The following COL16A1 variants were observed in gnomAD, a reference collection of about 807,000 sequenced individuals.
The protein encoded by COL16A1 is collagen alpha-1(XVI) chain.
Under a neutral mutation model 266.3 loss-of-function variants are expected in COL16A1, and 189 were observed. The ratio of observed to expected loss-of-function variants is 0.71; its 90% CI spans 0.63 to 0.80. The LOEUF (loss-of-function observed/expected upper bound fraction) is 0.80, where lower values mean the gene tolerates loss of function less well. COL16A1 is among the 30% of genes least tolerant of loss of function. COL16A1 has a pLI of 0.00. For missense variants in COL16A1, 1,928 were observed against 2,122.4 expected (o/e 0.91, Z 1.80); for synonymous variants, 740 against 782.3 (o/e 0.95, Z 0.90).
Position 31,664,200 on chromosome 1 carries a change from G to T in COL16A1, c.3555+972C>A, listed in dbSNP as rs1192397187. ...GGAAGGGGAAGGGGAAGGGGAAGGG[G>T]GCTAGCAACCACCACTGTCCCAAGC... On this transcript the variant is annotated intron_variant, in intron 56 of 70. Transcript: ENST00000373672. The surrounding 1 kb of genome is among the most constrained non-coding windows in gnomAD (Gnocchi z 5.5). 1.4e-5 allele frequency among the ~76,000 whole-genome samples: 2 copies of T among 145,890 alleles called. No individual in the cohort carries two copies. The highest frequency in any genetic ancestry group is 6.9e-5 in the Admixed American group (1 of 14,510).
intron 57 of COL16A1, 38 bp downstream of exon 57, chr1:31,662,549 T>A (rs1028492557): frequency 4.5e-6 from 7 of 1,554,652 alleles, no homozygotes; most frequent in Non-Finnish European, 6.1e-6. Flanking sequence ...TGCGCATGCA[T>A]CGCACACGTC....
intron 26 of COL16A1, among the ~76,000 whole-genome samples, chr1:31,687,155 G>T (rs1017101938): frequency 7.2e-5 from 11 of 152,180 alleles, no homozygotes; most frequent in African/African-American, 2.7e-4. Flanking sequence ...GCCAAGGAGG[G>T]TAGATCGCTT....
chr1:31,699,811 A>G lies in COL16A1; in HGVS notation c.266+2T>C, dbSNP rs1389073917. ...TCTCAGTGGTCACATGGATGCATTT[A>G]CCGCGTGGGCTGGGTCACGGGGGCC... On this transcript the variant is annotated splice_donor_variant, in intron 4 of 70. Transcript: ENST00000373672. LOFTEE classifies it high-confidence loss of function. 6.3e-7 allele frequency: 1 copy of G among 1,580,170 alleles called. No individual in the cohort carries two copies. Among genetic ancestry groups the G allele is most frequent in the East Asian group, 2.2e-5 (1 of 44,722 alleles).
In COL16A1 at chr1:31,685,810, C is replaced by T; in HGVS notation, c.1885-40G>A. ...CATTGAGTTAGGGGGTCCCCCAGGC[C>T]CTAGTGCACTTGAGCGAGGTTTGGA... On this transcript the variant is annotated intron_variant, in intron 28 of 70. Coordinates refer to ENST00000373672, the MANE Select transcript of COL16A1 (RefSeq NM_001856.4). This position sits in a 1 kb window ranked among gnomAD's most constrained non-coding sequence, Gnocchi z 4.0. 6.2e-7 allele frequency: 1 copy of T among 1,606,524 alleles called. No individual in the cohort carries two copies. Among genetic ancestry groups the T allele is most frequent in the Non-Finnish European group, 8.5e-7 (1 of 1,174,644 alleles).
chr1:31,689,771 T>G lies in COL16A1; in HGVS notation c.1590A>C (p.Lys530Asn). 6.2e-7 allele frequency: 1 copy of G among 1,614,090 alleles called. No individual in the cohort carries two copies. The highest frequency in any genetic ancestry group is 8.5e-7 in the Non-Finnish European group (1 of 1,179,964). The change falls in exon 23 of 71, where the codon AAA (lysine) becomes AAC (asparagine). Residue 530 changes from lysine to asparagine, a missense_variant. Lys to Asn is a moderately conservative substitution (Grantham distance 94, BLOSUM62 0). Transcript: ENST00000373672. ...CTGGTACAGGATCACCAGGCTCCCC[T>G]TTGGGCCCTGGCTTTCCAGGAAGTC... is the stretch of plus-strand genomic sequence containing the variant. The part of the protein sequence containing the change: ...FVGLPGKPGP[K>N]GEPGDPVPAR...
chr1:31,695,359 A>C, intron 10 of COL16A1, 138 bp from the exon 11 acceptor site: 2 of 849,898 alleles, frequency 2.4e-6, no homozygotes, highest in Non-Finnish European at 3.8e-6. Context: ...TAGGAATCCT[A>C]TAAAACAAGC....
At chr1:31,680,188 G>C in intron 39 of COL16A1, 87 bp from the exon 40 acceptor site, 1 of 1,532,580 alleles carries the variant, frequency 6.5e-7, no homozygotes, top group Non-Finnish European at 8.8e-7. Context: ...GGGCTCTAGA[G>C]ATGGAGAGGC....
chr1:31,661,756 C>A (rs762766287), intron 58 of COL16A1, 52 bp from the exon 59 acceptor site: 1 of 1,554,288 alleles, frequency 6.4e-7, no homozygotes, highest in South Asian at 1.2e-5. Flanking sequence ...CAGCTTGTAT[C>A]CAACTCATAC....
chr1:31,683,634 G>C, intron 34 of COL16A1, 73 bp downstream of exon 34: 1 of 1,612,608 alleles, frequency 6.2e-7, no homozygotes. Context: ...CTGAAGTTTG[G>C]GAGTGGATGG....
chr1:31,680,904 C>CCTTCT lies in COL16A1; in HGVS notation c.2606_2610dup (p.Gly871ArgfsTer172). 6.2e-7 allele frequency: 1 copy of CCTTCT among 1,614,196 alleles called. No homozygotes were observed. The highest frequency in any genetic ancestry group is 8.5e-7 in the Non-Finnish European group (1 of 1,180,040). ...ATGGGTCACAGGCCCTTGGAACTCA[C>CCTTCT]CTTCTCTCCTCGTGGTCCTTTTTCA... On this transcript the variant is annotated frameshift_variant and splice_region_variant. Coordinates refer to ENST00000373672, the MANE Select transcript of COL16A1 (RefSeq NM_001856.4). LOFTEE classifies it high-confidence loss of function.
Position 31,691,443 on chromosome 1 carries a change from G to A in COL16A1, c.1372C>T (p.Pro458Ser). The A allele has an allele frequency of 1.2e-6, 2 of 1,612,754 alleles. No homozygotes were observed. Among genetic ancestry groups the A allele is most frequent in the Non-Finnish European group, 8.5e-7 (1 of 1,179,262 alleles). ...GGGGTCCCAGGCAGTCCTATCCCAG[G>A]GGGTCCAGGGAGGCCGGGGGGCCCA... ...EPGPPGLPGP[P>S]GIGLPGTPGD... The change falls in exon 19 of 71, where the codon CCT (proline) becomes TCT (serine). Residue 458 changes from proline (P) to serine (S), a missense_variant. Around this residue, in one of 2 missense-constraint regions of COL16A1, gnomAD observed 1,552 missense variants for 1,637.2 expected, o/e 0.95. Transcript: ENST00000373672.
At chr1:31,665,267 G>A (rs1269434919) in intron 55 of COL16A1, 33 bp from the exon 56 acceptor site, 3 of 1,582,392 alleles carry the variant, frequency 1.9e-6, no homozygotes, top group Non-Finnish European at 2.6e-6. Context: ...AGGAATGAAA[G>A]TGGGGCTGGA....
chr1:31,676,063 A>T (rs1216540742), intron 42 of COL16A1, among the ~76,000 whole-genome samples: 1 of 151,858 alleles, frequency 6.6e-6, no homozygotes, highest in Non-Finnish European at 1.5e-5. Context: ...GGTCACTCAC[A>T]CCTGCAATCG....
chr1:31,702,732 G>A (rs1644765527), intron 1 of COL16A1, among the ~76,000 whole-genome samples: 1 of 152,178 alleles, frequency 6.6e-6, no homozygotes, highest in Admixed American at 6.5e-5. Flanking sequence ...GGCACCCACA[G>A]GGTCAGGGGC....
chr1:31,656,340 G>C lies in COL16A1; in HGVS notation c.4101+60C>G. The C allele has an allele frequency of 6.3e-7, 1 of 1,591,192 alleles. No individual in the cohort carries two copies. The stretch of plus-strand genomic sequence containing the variant: ...CTCTCTGTGGCTAAAGCCGTAACTT[G>C]CAGCTGGGCTTCATCCACTCGTGAG... On this transcript the variant is annotated intron_variant, in intron 66 of 70. Transcript: ENST00000373672. The surrounding 1 kb of genome is among the most constrained non-coding windows in gnomAD (Gnocchi z 4.2).
rs4593880 is a variant in COL16A1 at position 31,653,515 on chromosome 1, A to C, written c.4612+84T>G. The C allele has an allele frequency of 2.6e-3, 3,844 of 1,468,942 alleles. 99 individuals are homozygous for C. The African/African-American group carries it at 0.048, about 18-fold the overall frequency. 91.0% of individuals were successfully genotyped at this position (1,468,942 alleles called of 1,614,324 possible). The stretch of plus-strand genomic sequence containing the variant: ...CTGGCCTGTCGTTATTTGGAGTTTG[A>C]CACAGCTGTGTCATAGAAGAAACAG... On this transcript the variant is annotated intron_variant, in intron 70 of 70. Transcript: ENST00000373672.
In COL16A1 at chr1:31,691,530, T is replaced by A. The variant is rs1644267436; in HGVS notation, c.1303-18A>T. 6.2e-7 allele frequency: 1 copy of A among 1,613,764 alleles called. No individual in the cohort carries two copies. The highest frequency in any genetic ancestry group is 1.3e-5 in the African/African-American group (1 of 74,876). The stretch of plus-strand genomic sequence containing the variant: ...GGGTCTCCCTGGCACAGACATAAGG[T>A]GGGCATCAGAGAGCTGCCACCCCAG... On this transcript the variant is annotated intron_variant, in intron 18 of 70. Transcript: ENST00000373672.
At chr1:31,672,909 C>CAA in intron 44 of COL16A1, 69 bp from the exon 45 acceptor site, 1 of 1,463,320 alleles carries the variant, frequency 6.8e-7, no homozygotes, top group Non-Finnish European at 9.5e-7. Flanking sequence ...ACTGGGGAGC[C>CAA]CCAGTGAGAA....
chr1:31,692,163 C>T, intron 16 of COL16A1, 96 bp from the exon 17 acceptor site: 2 of 1,559,696 alleles, frequency 1.3e-6, no homozygotes, highest in South Asian at 1.1e-5. Flanking sequence ...TTCTAGACCC[C>T]TGGTCTCTGT....
Sources: allele counts gnomAD v4.1 joint callset (sites outside exome capture counted in the v4.1 genomes callset), GRCh38; gene constraint gnomAD v4.1.1; regional missense constraint gnomAD v4.1.1; non-coding constraint Gnocchi (gnomAD v3.1); transcripts MANE v1.5; gene names NCBI Gene and HGNC (gene_info 2026-07-23, HGNC 2026-07-21).